FBLN7: variants seen among roughly 807,000 people sequenced by gnomAD.
FBLN7 encodes fibulin-7.
FBLN7 carries 31 observed loss-of-function variants against 44.0 expected under a neutral mutation model. That is an observed-to-expected ratio of 0.70 (90% CI 0.53 to 0.95). The LOEUF (loss-of-function observed/expected upper bound fraction) is 0.95. Among genes scored for constraint, FBLN7 ranks in the 40% least tolerant of loss-of-function variants. The pLI is 0.00. For missense variants in FBLN7, 573 were observed against 618.5 expected, an observed-to-expected ratio of 0.93 and a Z score of 0.78; for synonymous variants, 262 against 253.4, an observed-to-expected ratio of 1.03 and a Z score of -0.32.
chr2:112,232,907 C>G, the FBLN7 span, among the ~76,000 whole-genome samples: 1 of 152,172 alleles, frequency 6.6e-6, no homozygotes, highest in African/African-American at 2.4e-5. Flanking sequence ...CAGGTACTCC[C>G]AAATTATGTA....
chr2:112,217,551 ATTGT>A, the FBLN7 span, among the ~76,000 whole-genome samples: 1 of 152,172 alleles, frequency 6.6e-6, no homozygotes, highest in Non-Finnish European at 1.5e-5. Context: ...CATATTGTGC[ATTGT>A]TTATTTAGAA....
At chr2:112,177,990 C>A (rs1263334771) in intron 4 of FBLN7, 1 of 145,556 alleles carries the variant, frequency 6.9e-6, no homozygotes, top group East Asian at 2.1e-4. Flanking sequence ...TGGTAAAACC[C>A]TGTCTCTACT....
intron 1 of FBLN7, among the ~76,000 whole-genome samples, 160 bp downstream of exon 1, chr2:112,138,890 T>C (rs1488080746): frequency 1.3e-5 from 1 of 75,948 alleles, no homozygotes; most frequent in Non-Finnish European, 2.5e-5. Context: ...CAGGTCAGTG[T>C]CCCTCCCGCC....
At chr2:112,178,120 A>G (rs948447901) in intron 4 of FBLN7, 2 of 152,160 alleles carry the variant, frequency 1.3e-5, no homozygotes, top group Non-Finnish European at 2.9e-5. Flanking sequence ...GTAAGCCGAG[A>G]TCGTGCCACT....
At chr2:112,185,099 G>T in intron 6 of FBLN7, 102 bp from the exon 7 acceptor site, 1 of 1,447,792 alleles carries the variant, frequency 6.9e-7, no homozygotes, top group Admixed American at 2.0e-5. Context: ...CCAGGAGCAG[G>T]GAGCACCACA....
chr2:112,160,298 G>A (rs1359438254), intron 2 of FBLN7, among the ~76,000 whole-genome samples: 1 of 152,172 alleles, frequency 6.6e-6, no homozygotes, highest in Non-Finnish European at 1.5e-5. Context: ...CCAATCTGTG[G>A]CCCATTTGTA....
At chr2:112,155,777 A>G (rs1364425029) in intron 1 of FBLN7, among the ~76,000 whole-genome samples, 1 of 152,200 alleles carries the variant, frequency 6.6e-6, no homozygotes, top group Non-Finnish European at 1.5e-5. Flanking sequence ...TGGAGCCAGC[A>G]GCACTGGGGT....
intron 1 of FBLN7, among the ~76,000 whole-genome samples, chr2:112,144,390 A>G (rs1225774330): frequency 6.6e-6 from 1 of 152,244 alleles, no homozygotes; most frequent in Non-Finnish European, 1.5e-5. Flanking sequence ...TGTAAAATTA[A>G]ATGAGCACTG....
At position 112,182,860 on chromosome 2, in the gene FBLN7, C is replaced by T; in HGVS notation, c.740C>T (p.Thr247Ile). 1 of 1,613,086 alleles carries T rather than the reference C, an allele frequency of 6.2e-7. No homozygotes were observed. The highest frequency in any genetic ancestry group is 8.5e-7 in the Non-Finnish European group (1 of 1,179,854). Residue 247 changes from threonine to isoleucine, a missense_variant, in exon 6 of 8, where the codon ACC becomes ATC. By Grantham distance (89) the Thr-to-Ile change is moderately conservative. Coordinates refer to ENST00000331203, the MANE Select transcript of FBLN7 (RefSeq NM_153214.3). ...CTCTGCATGCACGCCTGCGTGAACACCCCGGGCTCTTACCGTTGCACCTGC... is the reference window on the plus strand; with the variant it reads ...CTCTGCATGCACGCCTGCGTGAACATCCCGGGCTCTTACCGTTGCACCTGC... ...PRLCMHACVNTPGSYRCTCPG... is the reference protein window; with the variant it reads ...PRLCMHACVNIPGSYRCTCPG...
chr2:112,210,895 C>T, the FBLN7 span, among the ~76,000 whole-genome samples: 1 of 152,112 alleles, frequency 6.6e-6, no homozygotes, highest in African/African-American at 2.4e-5. Context: ...CTATTCTTAA[C>T]TAAAAGGAAT....
At chr2:112,210,362 G>C in the FBLN7 span, among the ~76,000 whole-genome samples, 1 of 151,880 alleles carries the variant, frequency 6.6e-6, no homozygotes, top group African/African-American at 2.4e-5. Context: ...TTAAAAATAA[G>C]GAAAGGTAAT....
the FBLN7 span, among the ~76,000 whole-genome samples, chr2:112,210,009 C>T: frequency 3.3e-5 from 5 of 151,502 alleles, no homozygotes; most frequent in Admixed American, 6.6e-5. Flanking sequence ...CAGCCCAGCA[C>T]GGGGTGTCTG....
chr2:112,181,909 A>G (rs775640753), intron 5 of FBLN7, 33 bp downstream of exon 5: 10 of 1,526,624 alleles, frequency 6.6e-6, no homozygotes, highest in Non-Finnish European at 8.8e-6. Context: ...CACTGGGGAC[A>G]GCACGGGGAG....
At chr2:112,226,967 T>C in the FBLN7 span, among the ~76,000 whole-genome samples, 1 of 152,130 alleles carries the variant, frequency 6.6e-6, no homozygotes, top group African/African-American at 2.4e-5. Context: ...TCTCAACAGA[T>C]GCACAGAAAT....
At chr2:112,156,603 G>A (rs1051187300) in intron 1 of FBLN7, among the ~76,000 whole-genome samples, 3 of 152,220 alleles carry the variant, frequency 2.0e-5, no homozygotes, top group Non-Finnish European at 4.4e-5. Flanking sequence ...GCAGGTACGG[G>A]GTTGCAGGAG....
chr2:112,197,080 A>G, the FBLN7 span, among the ~76,000 whole-genome samples: 1 of 152,102 alleles, frequency 6.6e-6, no homozygotes, highest in Non-Finnish European at 1.5e-5. Context: ...GGGAGCTACA[A>G]TTCAAGATGA....
the FBLN7 span, among the ~76,000 whole-genome samples, chr2:112,219,359 T>G: frequency 6.6e-6 from 1 of 152,214 alleles, no homozygotes; most frequent in African/African-American, 2.4e-5. Context: ...CAAATGGTGC[T>G]AGGAAAACTG....
intron 1 of FBLN7, among the ~76,000 whole-genome samples, chr2:112,158,163 C>T (rs1465285447): frequency 6.6e-6 from 1 of 152,100 alleles, no homozygotes; most frequent in Non-Finnish European, 1.5e-5. Context: ...TCCCAAAGTG[C>T]TGGGATTACA....
At chr2:112,199,448 T>C in the FBLN7 span, among the ~76,000 whole-genome samples, 1 of 152,184 alleles carries the variant, frequency 6.6e-6, no homozygotes, top group Admixed American at 6.5e-5. Flanking sequence ...ATGGCACCCA[T>C]TCAGAACATG....
Sources: gnomAD v4.1 joint callset for allele counts (sites outside exome capture counted in the v4.1 genomes callset) on GRCh38, gnomAD v4.1.1 for gene constraint, MANE v1.5 for transcripts, NCBI Gene and HGNC (gene_info 2026-07-23, HGNC 2026-07-21) for gene names.